Variants in SP4 observed in about 807,000 individuals in gnomAD.
SP4 encodes Sp4 transcription factor, also known as transcription factor Sp4.
A neutral mutation model predicts 72.8 loss-of-function variants in SP4; 19 were observed. That is an observed-to-expected ratio of 0.26 (90% CI 0.18 to 0.38). SP4 has a LOEUF of 0.38. SP4 is among the 10% of genes least tolerant of loss of function. The pLI is 1.00. For missense variants in SP4, 1,008 were observed against 926.3 expected, an observed-to-expected ratio of 1.09 and a Z score of -1.14; for synonymous variants, 395 against 333.1, an observed-to-expected ratio of 1.19 and a Z score of -2.02.
chr7:21,455,113 A>AT lies in SP4; in HGVS notation c.1679-21962dup, dbSNP rs1381007418. Among the ~76,000 whole-genome samples the AT allele has an allele frequency of 3.3e-5, 5 of 152,020 alleles. No homozygotes were observed. The East Asian group carries it at 5.8e-4, about 18-fold the overall frequency. ...CAGCTCAAGAGTGTCAGGAGTTGAG[A>AT]TTTTGTCTTGGGGGTGGGGGCGTGC... On this transcript the variant is annotated intron_variant, in intron 3 of 5. Coordinates refer to ENST00000222584, the MANE Select transcript of SP4 (RefSeq NM_003112.5).
chr7:21,473,896 G>T (rs2282897), intron 3 of SP4, among the ~76,000 whole-genome samples: 3,140 of 152,248 alleles, frequency 0.021, 158 homozygotes, highest in East Asian at 0.18. Flanking sequence ...GTGGGGCCTC[G>T]GAGGTCTTGC....
chr7:21,501,393 T>C (rs1001094120), intron 5 of SP4, among the ~76,000 whole-genome samples: 6 of 152,242 alleles, frequency 3.9e-5, no homozygotes, highest in African/African-American at 1.4e-4. Context: ...ATCTAAATCC[T>C]TTTTGTCCTT....
At chr7:21,469,641 A>C (rs1408891174) in intron 3 of SP4, among the ~76,000 whole-genome samples, 1 of 150,854 alleles carries the variant, frequency 6.6e-6, no homozygotes, top group African/African-American at 2.4e-5. Context: ...TCCCGGATCC[A>C]AGTGATTCTC....
intron 3 of SP4, among the ~76,000 whole-genome samples, chr7:21,472,784 GAAAA>G (rs552813017): frequency 2.1e-5 from 3 of 142,294 alleles, no homozygotes; most frequent in Admixed American, 6.9e-5. Context: ...TAAAAAAAAA[GAAAA>G]AAAAAAGCAA....
At chr7:21,496,600 AATGTGACTCG>A (rs1280253223) in intron 5 of SP4, among the ~76,000 whole-genome samples, 1 of 152,170 alleles carries the variant, frequency 6.6e-6, no homozygotes. Context: ...GTTTGATTAT[AATGTGACTCG>A]ATGTGACTCT....
rs542725280 is a variant in SP4 at position 21,507,191 on chromosome 7, T to C, written c.2108-3831T>C. On this transcript the variant is annotated intron_variant, in intron 5 of 5. Transcript: ENST00000222584. ...ATCTTCTAGGAGTGGTTTCATTTTT[T>C]TCCTGAAATTCCTAATTTCAATACT... Among the ~76,000 whole-genome samples, 134 of 152,346 alleles carry C rather than the reference T, an allele frequency of 8.8e-4. 1 individual carries two copies. The highest frequency in any genetic ancestry group is 3.1e-3 in the African/African-American group (129 of 41,576).
chr7:21,477,154 T>C lies in SP4; in HGVS notation c.1754T>C (p.Ile585Thr), dbSNP rs769240906. The change falls in exon 4 of 6, where the codon ATT (isoleucine) becomes ACT (threonine). Residue 585 changes from isoleucine to threonine, a missense_variant. Physicochemically the swap from Ile to Thr is moderately conservative, Grantham distance 89. Around this residue, in one of 3 missense-constraint regions of SP4, gnomAD observed 893 missense variants for 743.3 expected, o/e 1.20. Transcript: ENST00000222584. ...CCTGTAACTGTAGCAGTTGGAGGAA[T>C]TGCTAATGCCACGATAGGTGCTGTT... Reference protein sequence around the residue: ...IAPVTVAVGGIANATIGAVSP... With the variant: ...IAPVTVAVGGTANATIGAVSP... 10 of 1,614,020 alleles carry C rather than the reference T, an allele frequency of 6.2e-6. No homozygotes were observed. Among genetic ancestry groups the C allele is most frequent in the Middle Eastern group, 1.6e-4 (1 of 6,084 alleles).
chr7:21,482,689 A>G lies in SP4; in HGVS notation c.2107+566A>G, dbSNP rs1371456989. The G allele has an allele frequency of 1.2e-5, 12 of 981,854 alleles. No individual in the cohort carries two copies. The African/African-American group carries it at 1.6e-4, about 13-fold the overall frequency. The allele number at this position is 981,854 out of a possible 1,614,324, so 60.8% of individuals were successfully genotyped here. Reference sequence around the variant, plus strand: ...CAGCTGCTATAAATCTAATGTGTCTAAGTTTTACGTACACTTTTAATACTC... The same window carrying G: ...CAGCTGCTATAAATCTAATGTGTCTGAGTTTTACGTACACTTTTAATACTC... On this transcript the variant is annotated intron_variant, in intron 5 of 5. Coordinates refer to ENST00000222584, the MANE Select transcript of SP4 (RefSeq NM_003112.5).
chr7:21,434,225 T>A (rs1782971195), intron 3 of SP4, among the ~76,000 whole-genome samples: 1 of 152,220 alleles, frequency 6.6e-6, no homozygotes, highest in Admixed American at 6.5e-5. Context: ...GGAATGTAAT[T>A]GCTAGCTCAA....
Position 21,428,767 on chromosome 7 carries a change from A to G in SP4, c.98A>G (p.Lys33Arg). 5 of 1,551,514 alleles carry G rather than the reference A, an allele frequency of 3.2e-6. No homozygotes were observed. Among genetic ancestry groups the G allele is most frequent in the Non-Finnish European group, 4.4e-6 (5 of 1,147,098 alleles). Residue 33 changes from lysine (K) to arginine (R), a missense_variant, in exon 2 of 6, where the codon AAA becomes AGA. Around this residue, in one of 3 missense-constraint regions of SP4, gnomAD observed 893 missense variants for 743.3 expected, o/e 1.20. Coordinates refer to ENST00000222584, the MANE Select transcript of SP4 (RefSeq NM_003112.5). Reference protein sequence around the residue: ...GKTSEPENNNKKPKTSGSQDS... With the variant: ...GKTSEPENNNRKPKTSGSQDS... ...ACCTCTGAGCCAGAGAATAACAATA[A>G]AAAACCCAAAACCTCAGGCTCCCAG...
chr7:21,428,371 G>A (rs1032863001), intron 1 of SP4, 113 bp downstream of exon 1: 6 of 714,358 alleles, frequency 8.4e-6, no homozygotes, highest in African/African-American at 5.2e-5. Context: ...GCTTTAAGGG[G>A]AGGAGGAGAG....
intron 3 of SP4, among the ~76,000 whole-genome samples, chr7:21,431,748 A>T (rs911531084): frequency 6.6e-6 from 1 of 152,128 alleles, no homozygotes; most frequent in South Asian, 2.1e-4. Flanking sequence ...CTTTTCATTG[A>T]TTCTGATTTG....
intron 3 of SP4, among the ~76,000 whole-genome samples, chr7:21,435,547 A>G (rs1783022418): frequency 6.6e-6 from 1 of 152,196 alleles, no homozygotes; most frequent in Non-Finnish European, 1.5e-5. Flanking sequence ...TTCCTTTGCC[A>G]TATATGTTTT....
chr7:21,441,501 G>A (rs931430457), intron 3 of SP4, among the ~76,000 whole-genome samples: 1 of 152,116 alleles, frequency 6.6e-6, no homozygotes, highest in Admixed American at 6.6e-5. Context: ...AAGAGATTGT[G>A]CCAAAATAAT....
At chr7:21,462,011 C>T (rs1034174144) in intron 3 of SP4, among the ~76,000 whole-genome samples, 37 of 148,474 alleles carry the variant, frequency 2.5e-4, no homozygotes, top group African/African-American at 9.2e-4. Flanking sequence ...ATTTATAAAG[C>T]AGTGTTTTAG....
chr7:21,458,802 C>T (rs1037849771), intron 3 of SP4, among the ~76,000 whole-genome samples: 25 of 152,044 alleles, frequency 1.6e-4, no homozygotes, highest in African/African-American at 5.5e-4. Context: ...CCCCCACACA[C>T]GATATTAGAG....
chr7:21,434,904 C>G (rs529879378), intron 3 of SP4, among the ~76,000 whole-genome samples: 1 of 151,796 alleles, frequency 6.6e-6, no homozygotes, highest in Non-Finnish European at 1.5e-5. Flanking sequence ...ACTTTAAGCT[C>G]AAAGACAACT....
At chr7:21,463,028 C>T (rs1181477040) in intron 3 of SP4, among the ~76,000 whole-genome samples, 1 of 151,618 alleles carries the variant, frequency 6.6e-6, no homozygotes, top group Non-Finnish European at 1.5e-5. Context: ...CTAATTACCA[C>T]ATGTGGCAAG....
Position 21,428,164 on chromosome 7 carries a change from G to A in SP4, c.-88G>A. On this transcript the variant is annotated 5_prime_UTR_variant, in exon 1 of 6. Coordinates refer to ENST00000222584, the MANE Select transcript of SP4 (RefSeq NM_003112.5). Reference sequence around the variant, plus strand: ...CTCCTCCGAGCCACCGCGGGCGGGCGGGACCGGCCTCTCCTCCCGCCTCGC... The same window carrying A: ...CTCCTCCGAGCCACCGCGGGCGGGCAGGACCGGCCTCTCCTCCCGCCTCGC... 1 of 768,088 alleles carries A rather than the reference G, an allele frequency of 1.3e-6. No individual in the cohort carries two copies. The highest frequency in any genetic ancestry group is 2.3e-6 in the Non-Finnish European group (1 of 430,970). The allele number at this position is 768,088 out of a possible 1,614,324, so 47.6% of individuals were successfully genotyped here. A position where few individuals can be genotyped will look rare whatever the true frequency, so the allele number is the denominator to read the frequency against.
Sources: allele counts gnomAD v4.1 joint callset (sites outside exome capture counted in the v4.1 genomes callset), GRCh38; gene constraint gnomAD v4.1.1; regional missense constraint gnomAD v4.1.1; transcripts MANE v1.5; gene names NCBI Gene and HGNC (gene_info 2026-07-23, HGNC 2026-07-21).